Variants in SGCG observed in about 807,000 individuals in gnomAD.
The protein encoded by SGCG is sarcoglycan gamma.
In SGCG, 26 loss-of-function variants were observed where a neutral mutation model predicts 29.3. That is an observed-to-expected ratio of 0.89 (90% CI 0.65 to 1.23). The LOEUF is 1.23. Among genes scored for constraint, SGCG ranks in the 50% most tolerant of loss-of-function variants. The pLI is 0.00. For missense variants in SGCG, 353 were observed against 356.0 expected, an observed-to-expected ratio of 0.99 and a Z score of 0.07; for synonymous variants, 145 against 129.7, an observed-to-expected ratio of 1.12 and a Z score of -0.80.
chr13:23,276,763 G>A (rs1372924018), intron 4 of SGCG, among the ~76,000 whole-genome samples: 1 of 152,188 alleles, frequency 6.6e-6, no homozygotes, highest in Admixed American at 6.5e-5. Context: ...TTCCAAATCA[G>A]TTGCAGGCAT....
At chr13:23,200,258 A>G (rs1877687703) in intron 1 of SGCG, among the ~76,000 whole-genome samples, 1 of 152,130 alleles carries the variant, frequency 6.6e-6, no homozygotes, top group African/African-American at 2.4e-5. Context: ...CCCCGTCTCT[A>G]CTAAAAATAC....
chr13:23,258,088 T>G (rs963253624), intron 4 of SGCG, among the ~76,000 whole-genome samples: 1 of 152,154 alleles, frequency 6.6e-6, no homozygotes, highest in Non-Finnish European at 1.5e-5. Context: ...GTGAAGAAAG[T>G]CATTGGTAGC....
chr13:23,299,221 G>A (rs144693060), intron 6 of SGCG, among the ~76,000 whole-genome samples: 45 of 151,596 alleles, frequency 3.0e-4, no homozygotes, highest in Non-Finnish European at 6.0e-4. Context: ...CCACCACCCA[G>A]CGGATCCTTG....
chr13:23,212,834 A>G (rs376570229), intron 2 of SGCG, among the ~76,000 whole-genome samples: 11 of 152,172 alleles, frequency 7.2e-5, no homozygotes, highest in East Asian at 5.8e-4. Flanking sequence ...CAGACACTGC[A>G]AACTTTAGGG....
intron 6 of SGCG, among the ~76,000 whole-genome samples, chr13:23,298,553 T>C (rs185881572): frequency 6.6e-6 from 1 of 152,276 alleles, no homozygotes; most frequent in Admixed American, 6.5e-5. Context: ...AATTAAATTA[T>C]AACAAGGTTT....
Position 23,251,268 on chromosome 13 carries a change from A to G in SGCG, c.385+551A>G, listed in dbSNP as rs73436844. 1.9e-3 allele frequency among the ~76,000 whole-genome samples: 282 copies of G among 152,326 alleles called. 1 individual carries two copies. Among genetic ancestry groups the G allele is most frequent in the African/African-American group, 6.3e-3 (263 of 41,568 alleles). On this transcript the variant is annotated intron_variant, in intron 4 of 7. Transcript: ENST00000218867. ...TCAACATCAAACAGTTTAGTCTTCA[A>G]TTACGCAAATTCTAAATCCACAAAG...
At chr13:23,188,559 T>C (rs1312091433) in intron 1 of SGCG, among the ~76,000 whole-genome samples, 1 of 146,600 alleles carries the variant, frequency 6.8e-6, no homozygotes, top group East Asian at 2.1e-4. Flanking sequence ...CCTCAAGCAA[T>C]CCGCCTGCCT....
intron 2 of SGCG, among the ~76,000 whole-genome samples, chr13:23,220,746 A>G (rs952272610): frequency 6.6e-6 from 1 of 152,190 alleles, no homozygotes; most frequent in Non-Finnish European, 1.5e-5. Flanking sequence ...AGTCTTCTGA[A>G]TGATTCAGAA....
intron 6 of SGCG, among the ~76,000 whole-genome samples, chr13:23,310,584 G>A (rs1593105338): frequency 6.6e-6 from 1 of 151,886 alleles, no homozygotes; most frequent in East Asian, 1.9e-4. Context: ...TTCTTTTAAT[G>A]GGTTAATTTA....
Position 23,295,483 on chromosome 13 carries a change from C to T in SGCG, c.574C>T (p.Leu192Phe), listed in dbSNP as rs1294648986. 6.2e-7 allele frequency: 1 copy of T among 1,611,902 alleles called. No homozygotes were observed. Among genetic ancestry groups the T allele is most frequent in the Non-Finnish European group, 8.5e-7 (1 of 1,178,102 alleles). The change falls in exon 6 of 8, where the codon CTT becomes TTT. Residue 192 changes from leucine to phenylalanine, a missense_variant. Coordinates refer to ENST00000218867, the MANE Select transcript of SGCG (RefSeq NM_000231.3). ...TGTCAGAGCCGACCCGTTTCAAGAC[C>T]TTAGGTAAGAATTTTTGTTCAAATA... ...PLVRADPFQD[L>F]RLESPTRSLS...
intron 6 of SGCG, among the ~76,000 whole-genome samples, chr13:23,306,941 T>G (rs1882383345): frequency 6.6e-6 from 1 of 152,222 alleles, no homozygotes; most frequent in Non-Finnish European, 1.5e-5. Flanking sequence ...ATCCAGAATG[T>G]GAAATACATT....
chr13:23,265,087 C>T (rs1306008392), intron 4 of SGCG, among the ~76,000 whole-genome samples: 1 of 152,072 alleles, frequency 6.6e-6, no homozygotes, highest in Non-Finnish European at 1.5e-5. Context: ...AACTAAAAAA[C>T]TTCTGCACAG....
chr13:23,228,485 T>C (rs1235962544), intron 2 of SGCG, among the ~76,000 whole-genome samples: 2 of 152,176 alleles, frequency 1.3e-5, no homozygotes, highest in East Asian at 1.9e-4. Context: ...CAGGAATACA[T>C]GTGTAGGTTT....
At chr13:23,167,646 T>C in the SGCG span, among the ~76,000 whole-genome samples, 1 of 152,218 alleles carries the variant, frequency 6.6e-6, no homozygotes, top group Non-Finnish European at 1.5e-5. Flanking sequence ...ATTCCTCTGA[T>C]GATCAATGAT....
chr13:23,236,977 T>C (rs1044474198), intron 3 of SGCG, among the ~76,000 whole-genome samples: 1 of 152,182 alleles, frequency 6.6e-6, no homozygotes, highest in Non-Finnish European at 1.5e-5. Context: ...GATATATTAG[T>C]TATAAATTTC....
intron 2 of SGCG, among the ~76,000 whole-genome samples, chr13:23,208,152 A>G (rs1878050075): frequency 6.6e-6 from 1 of 152,130 alleles, no homozygotes; most frequent in Non-Finnish European, 1.5e-5. Flanking sequence ...AACAACTACC[A>G]TATAATTATT....
intron 6 of SGCG, 65 bp downstream of exon 6, chr13:23,295,552 T>A (rs1881874775): frequency 8.9e-7 from 1 of 1,118,016 alleles, no homozygotes; most frequent in South Asian, 1.2e-5. Context: ...TGTGCTGGAA[T>A]AATGTTAGCA....
intron 5 of SGCG, among the ~76,000 whole-genome samples, chr13:23,283,435 G>A (rs1391392509): frequency 6.6e-6 from 1 of 152,168 alleles, no homozygotes; most frequent in Non-Finnish European, 1.5e-5. Flanking sequence ...GACTAGGAAT[G>A]TAATCCCTGC....
intron 6 of SGCG, among the ~76,000 whole-genome samples, chr13:23,302,840 T>C (rs1450739010): frequency 6.6e-6 from 1 of 152,182 alleles, no homozygotes; most frequent in Non-Finnish European, 1.5e-5. Context: ...CTTTCCTGTT[T>C]TTTAAGTAGA....
Sources: allele counts gnomAD v4.1 joint callset (sites outside exome capture counted in the v4.1 genomes callset), GRCh38; gene constraint gnomAD v4.1.1; transcripts MANE v1.5; gene names NCBI Gene and HGNC (gene_info 2026-07-23, HGNC 2026-07-21).